Variants in SNX29 observed in about 807,000 individuals in gnomAD.
The protein encoded by SNX29 is sorting nexin 29.
A neutral mutation model predicts 102.1 loss-of-function variants in SNX29; 78 were observed. The observed-to-expected ratio is 0.76, with a 90% CI of 0.64 to 0.92. The LOEUF (loss-of-function observed/expected upper bound fraction) is 0.92, where lower values mean the gene tolerates loss of function less well. SNX29 is among the 40% of genes least tolerant of loss of function. The probability of loss-of-function intolerance (pLI) is 0.00; values close to 1 mark genes in which losing one functional copy is unlikely to be tolerated. For synonymous variants in SNX29, 580 were observed against 414.5 expected (o/e 1.40, Z -4.85); for missense variants, 1,280 against 1,061.7 (o/e 1.21, Z -2.86).
chr16:12,009,935 T>G (rs2056591190), intron 3 of SNX29, among the ~76,000 whole-genome samples: 1 of 152,252 alleles, frequency 6.6e-6, no homozygotes, highest in Middle Eastern at 3.2e-3. Flanking sequence ...CTGGAAGTTT[T>G]CCCTTCAAAT....
chr16:12,374,342 C>T (rs1008847813), intron 16 of SNX29: 1 of 152,194 alleles, frequency 6.6e-6, no homozygotes, highest in African/African-American at 2.4e-5. Flanking sequence ...GAATCCAGTC[C>T]CTCACCAGAT....
rs56233203 is a variant in SNX29, at chr16:12,334,921, T to TTTTTTTTA, written c.1783-21242_1783-21241insTTTTTTTA. The stretch of plus-strand genomic sequence containing the variant: ...AGAGCCTTTTTTTTTTTTTTTTTTT[T>TTTTTTTTA]AAAAAGCAACAGTCTTTCAAATTTG... On this transcript the variant is annotated intron_variant, in intron 15 of 20. Transcript: ENST00000566228. Among the ~76,000 whole-genome samples the TTTTTTTTA allele has an allele frequency of 4.6e-4, 69 of 149,302 alleles. 1 individual carries two copies. In the East Asian group the frequency reaches 7.6e-3, roughly 17 times the overall value.
At chr16:12,379,923 G>C (rs1258851219) in intron 16 of SNX29, among the ~76,000 whole-genome samples, 1 of 152,130 alleles carries the variant, frequency 6.6e-6, no homozygotes, top group Non-Finnish European at 1.5e-5. Flanking sequence ...TTTTCCATAT[G>C]AATATTTCTG....
rs369924826 is a variant in SNX29 at position 12,425,380 on chromosome 16, C to G, written c.2037+21851C>G. Among the ~76,000 whole-genome samples the G allele has an allele frequency of 6.6e-5, 10 of 151,990 alleles. No individual in the cohort carries two copies. The East Asian group carries it at 1.9e-3, about 29-fold the overall frequency. On this transcript the variant is annotated intron_variant, in intron 18 of 20. Transcript: ENST00000566228. ...CATAAGATCAGAGTGCCCCTGAGGC[C>G]TCTGGTCTCTGGATGATGCCCATGT... is the stretch of plus-strand genomic sequence containing the variant.
chr16:12,150,092 G>A (rs1026128670), intron 13 of SNX29, among the ~76,000 whole-genome samples: 1 of 152,124 alleles, frequency 6.6e-6, no homozygotes, highest in Non-Finnish European at 1.5e-5. Context: ...GTTTGGCCTC[G>A]GTTCTGTGGA....
intron 1 of SNX29, among the ~76,000 whole-genome samples, chr16:11,997,065 G>A (rs1235939831): frequency 6.6e-6 from 1 of 152,176 alleles, no homozygotes; most frequent in African/African-American, 2.4e-5. Flanking sequence ...CAGGATCACT[G>A]TTCCACCAAT....
chr16:12,519,339 A>T (rs568045988), intron 19 of SNX29, among the ~76,000 whole-genome samples: 116 of 152,300 alleles, frequency 7.6e-4, no homozygotes, highest in Middle Eastern at 3.4e-3. Flanking sequence ...ATTGCATTCA[A>T]CCTATTAAAG....
intron 4 of SNX29, among the ~76,000 whole-genome samples, chr16:12,031,399 A>G (rs1206184937): frequency 1.3e-5 from 2 of 151,716 alleles, no homozygotes; most frequent in Non-Finnish European, 2.9e-5. Context: ...CAGCTCTCCT[A>G]GTTTCTGTTG....
chr16:12,100,248 G>A (rs989367744), intron 11 of SNX29, among the ~76,000 whole-genome samples: 2 of 152,166 alleles, frequency 1.3e-5, no homozygotes, highest in African/African-American at 2.4e-5. Context: ...CGGCACTGTC[G>A]ACCTTTGGAT....
intron 14 of SNX29, among the ~76,000 whole-genome samples, chr16:12,213,387 G>C (rs1281040344): frequency 6.6e-6 from 1 of 152,190 alleles, no homozygotes; most frequent in Non-Finnish European, 1.5e-5. Context: ...CATGTTGTTT[G>C]AGTGACAGGT....
chr16:12,296,166 G>C (rs2079973846), intron 15 of SNX29, among the ~76,000 whole-genome samples: 1 of 152,204 alleles, frequency 6.6e-6, no homozygotes, highest in African/African-American at 2.4e-5. Flanking sequence ...CTCGGGAGGA[G>C]AGGGAGATAA....
chr16:12,003,282 A>T (rs2056352782), intron 3 of SNX29, among the ~76,000 whole-genome samples: 1 of 152,160 alleles, frequency 6.6e-6, no homozygotes, highest in Non-Finnish European at 1.5e-5. Flanking sequence ...CTAGGAATCT[A>T]TTCTGAGGGA....
At chr16:12,228,607 C>T (rs1202500433) in intron 14 of SNX29, among the ~76,000 whole-genome samples, 2 of 152,246 alleles carry the variant, frequency 1.3e-5, no homozygotes, top group Non-Finnish European at 2.9e-5. Context: ...AGATGCCTTA[C>T]CATGACTTGC....
chr16:12,046,020 C>T (rs530678193), intron 5 of SNX29, among the ~76,000 whole-genome samples: 5 of 152,134 alleles, frequency 3.3e-5, no homozygotes, highest in South Asian at 2.1e-4. Context: ...GCAAATCAGG[C>T]GAGCCCTGTT....
chr16:12,399,850 T>C lies in SNX29; in HGVS notation c.1955+1349T>C, dbSNP rs1419419077. 2.0e-5 allele frequency among the ~76,000 whole-genome samples: 3 copies of C among 151,800 alleles called. No homozygotes were observed. The East Asian group carries it at 5.8e-4, about 29-fold the overall frequency. On this transcript the variant is annotated intron_variant, in intron 17 of 20. Transcript: ENST00000566228. ...GCTTGTGGGCAGGGGGAGCATGGCA[T>C]GAAGAGGCTCCTGGAACGGCAGAGT...
At chr16:12,495,535 C>A (rs547350713) in intron 19 of SNX29, among the ~76,000 whole-genome samples, 1 of 152,302 alleles carries the variant, frequency 6.6e-6, no homozygotes, top group South Asian at 2.1e-4. Context: ...CTTTCTTTGC[C>A]CCTTATTTTT....
intron 14 of SNX29, among the ~76,000 whole-genome samples, chr16:12,220,129 C>T (rs755360337): frequency 3.3e-5 from 5 of 152,234 alleles, no homozygotes; most frequent in East Asian, 1.9e-4. Context: ...CCTTTCGCCA[C>T]CGCGCTGTGA....
chr16:12,286,791 C>T (rs572525652), intron 15 of SNX29, among the ~76,000 whole-genome samples: 9 of 152,268 alleles, frequency 5.9e-5, no homozygotes, highest in African/African-American at 2.2e-4. Context: ...CCGTCCCACC[C>T]ATCAAACCTC....
At chr16:12,452,863 A>C (rs1204618688) in intron 18 of SNX29, among the ~76,000 whole-genome samples, 2 of 152,186 alleles carry the variant, frequency 1.3e-5, no homozygotes, top group African/African-American at 4.8e-5. Flanking sequence ...GGGTTTTAAA[A>C]TAAAATTGCT....
Sources: gnomAD v4.1 joint callset for allele counts (sites outside exome capture counted in the v4.1 genomes callset) on GRCh38, gnomAD v4.1.1 for gene constraint, MANE v1.5 for transcripts, NCBI Gene and HGNC (gene_info 2026-07-23, HGNC 2026-07-21) for gene names.